The following SLC6A15 variants were observed in gnomAD, a reference collection of about 807,000 sequenced individuals.
SLC6A15 encodes solute carrier family 6 member 15.
SLC6A15 carries 33 observed loss-of-function variants against 68.5 expected under a neutral mutation model. That is an observed-to-expected ratio of 0.48 (90% confidence interval 0.37 to 0.64). The LOEUF is 0.64. SLC6A15 is among the 30% of genes least tolerant of loss of function. The pLI is 0.00. For missense variants in SLC6A15, 747 were observed against 874.3 expected (o/e 0.85, Z 1.84); for synonymous variants, 347 against 301.0 (o/e 1.15, Z -1.58).
At chr12:84,874,098 T>C (rs925324117) in intron 6 of SLC6A15, among the ~76,000 whole-genome samples, 3 of 152,222 alleles carry the variant, frequency 2.0e-5, no homozygotes, top group Non-Finnish European at 4.4e-5. Flanking sequence ...AATAATAGCG[T>C]TTAAATTGGC....
rs572165477 is a variant in SLC6A15 at position 84,884,775 on chromosome 12, T to C, written c.574+660A>G. On this transcript the variant is annotated intron_variant, in intron 4 of 11. Transcript: ENST00000266682. The stretch of plus-strand genomic sequence containing the variant: ...TGGGTTACAAATGTGAAATTTGAAC[T>C]AGATTTCAGATTCAGTATAAGAAAA... Among the ~76,000 whole-genome samples, 4 of 152,250 alleles carry C rather than the reference T, an allele frequency of 2.6e-5. No individual in the cohort carries two copies. In the South Asian group the frequency reaches 8.3e-4, roughly 32 times the overall value.
At chr12:84,869,210 A>C (rs540463171) in intron 9 of SLC6A15, among the ~76,000 whole-genome samples, 146 of 152,274 alleles carry the variant, frequency 9.6e-4, no homozygotes, top group Non-Finnish European at 1.8e-3. Context: ...CTGTAATCCT[A>C]GCACTTTGGG....
intron 5 of SLC6A15, among the ~76,000 whole-genome samples, chr12:84,878,180 C>G (rs891716255): frequency 6.6e-6 from 1 of 152,116 alleles, no homozygotes; most frequent in African/African-American, 2.4e-5. Flanking sequence ...TGCCAGCATA[C>G]TTTAGAACAC....
intron 1 of SLC6A15, among the ~76,000 whole-genome samples, chr12:84,898,559 T>G (rs949936989): frequency 6.6e-6 from 1 of 152,178 alleles, no homozygotes; most frequent in Non-Finnish European, 1.5e-5. Context: ...TCACTTATGA[T>G]TTTATGACCC....
At chr12:84,884,091 C>G in intron 4 of SLC6A15, 51 bp from the exon 5 acceptor site, 1 of 1,474,556 alleles carries the variant, frequency 6.8e-7, no homozygotes, top group Middle Eastern at 1.8e-4. Context: ...AAGAGCAATG[C>G]GACAATTTCT....
At chr12:84,875,683 TATATATATATATATATGAG>T (rs1250135950) in intron 6 of SLC6A15, among the ~76,000 whole-genome samples, 3 of 8,610 alleles carry the variant, frequency 3.5e-4, no homozygotes, top group African/African-American at 6.7e-4. Context: ...TATATATATA[TATATATATATATATATGAG>T]AATCAAAAAC....
At chr12:84,871,513 T>C (rs117334163) in intron 8 of SLC6A15, among the ~76,000 whole-genome samples, 6,448 of 152,200 alleles carry the variant, frequency 0.042, 205 homozygotes, top group Admixed American at 0.078. Context: ...CAACTTACTT[T>C]GTCTAACTAA....
Position 84,872,705 on chromosome 12 carries a change from G to T in SLC6A15, c.1199C>A (p.Ala400Glu), listed in dbSNP as rs12424429. 3 of 1,612,530 alleles carry T rather than the reference G, an allele frequency of 1.9e-6. No homozygotes were observed. The highest frequency in any genetic ancestry group is 2.7e-5 in the African/African-American group (2 of 74,996). ...PHHINLSTVTAEDYHLVYDII... is the reference protein window; with the variant it reads ...PHHINLSTVTEEDYHLVYDII... Reference sequence around the variant, plus strand: ...GTCATAAACTAAATGATAATCTTCTGCAGTAACAGTTGAAAGGTTGATATG... The same window carrying T: ...GTCATAAACTAAATGATAATCTTCTTCAGTAACAGTTGAAAGGTTGATATG... Residue 400 changes from alanine (A) to glutamate (E), a missense_variant, in exon 8 of 12, where the codon GCA (alanine) becomes GAA (glutamate). Ala to Glu is a moderately radical substitution (Grantham distance 107, BLOSUM62 -1). Transcript: ENST00000266682.
rs1249893893 is a variant in SLC6A15 at position 84,912,568 on chromosome 12, G to GGCA, written c.-237_-235dup. ...GCGCCTCTTGCTGCTTCCACGTCCG[G>GGCA]GCAGCAGCAGCAGCAGTCGCGAAAG... is the stretch of plus-strand genomic sequence containing the variant. On this transcript the variant is annotated 5_prime_UTR_variant, in exon 1 of 12. Coordinates refer to ENST00000266682, the MANE Select transcript of SLC6A15 (RefSeq NM_182767.6). 1.3e-5 allele frequency: 2 copies of GGCA among 152,386 alleles called. No homozygotes were observed. Among genetic ancestry groups the GGCA allele is most frequent in the East Asian group, 1.9e-4 (1 of 5,174 alleles). The allele number at this position is 152,386 out of a possible 1,614,324, so 9.4% of individuals were successfully genotyped here.
chr12:84,888,304 C>T (rs1237454850), intron 2 of SLC6A15, among the ~76,000 whole-genome samples: 2 of 149,822 alleles, frequency 1.3e-5, no homozygotes, highest in African/African-American at 4.9e-5. Flanking sequence ...AAAAAAGACA[C>T]TTACATGCAT....
Position 84,861,603 on chromosome 12 carries a change from C to A in SLC6A15, c.*29G>T, listed in dbSNP as rs986422438. On this transcript the variant is annotated 3_prime_UTR_variant, in exon 12 of 12. Transcript: ENST00000266682. ...CCAATGTTCATTGGTAAAAATGAAC[C>A]AAATAAAACCCACTGACTTTTCCCC... 6.4e-7 allele frequency: 1 copy of A among 1,554,256 alleles called. No individual in the cohort carries two copies. The highest frequency in any genetic ancestry group is 1.4e-5 in the African/African-American group (1 of 72,908).
chr12:84,861,485 A>G lies in SLC6A15; in HGVS notation c.*147T>C. The G allele has an allele frequency of 1.2e-6, 1 of 820,984 alleles. No individual in the cohort carries two copies. The highest frequency in any genetic ancestry group is 2.5e-5 in the East Asian group (1 of 39,722). 50.9% of individuals were successfully genotyped at this position (820,984 alleles called of 1,614,324 possible). A position where few individuals can be genotyped will look rare whatever the true frequency, so the allele number is the denominator to read the frequency against. On this transcript the variant is annotated 3_prime_UTR_variant, in exon 12 of 12. Coordinates refer to ENST00000266682, the MANE Select transcript of SLC6A15 (RefSeq NM_182767.6). ...AGAATCCAAAAGAATGCTCAAGTTGAACTGACATATACTGTTAGGATTAAA... is the reference window on the plus strand; with the variant it reads ...AGAATCCAAAAGAATGCTCAAGTTGGACTGACATATACTGTTAGGATTAAA...
intron 3 of SLC6A15, 115 bp from the exon 4 acceptor site, chr12:84,885,676 A>G: frequency 8.4e-7 from 1 of 1,193,678 alleles, no homozygotes; most frequent in Non-Finnish European, 1.2e-6. Context: ...TTTATTATTT[A>G]TTTGGGACAC....
intron 1 of SLC6A15, among the ~76,000 whole-genome samples, chr12:84,899,045 T>C (rs1410893714): frequency 6.6e-6 from 1 of 152,220 alleles, no homozygotes; most frequent in Admixed American, 6.5e-5. Context: ...AGTCAGGCTG[T>C]CAGCTGGAGC....
chr12:84,910,311 A>G (rs1379323926), intron 1 of SLC6A15, among the ~76,000 whole-genome samples: 1 of 152,086 alleles, frequency 6.6e-6, no homozygotes, highest in Non-Finnish European at 1.5e-5. Flanking sequence ...AAAAACACAA[A>G]CTGAAAGCTT....
At chr12:84,863,667 T>C in intron 10 of SLC6A15, 66 bp from the exon 11 acceptor site, 1 of 1,168,310 alleles carries the variant, frequency 8.6e-7, no homozygotes, top group Non-Finnish European at 1.2e-6. Flanking sequence ...AAAATGTGCA[T>C]TATATTAATG....
At chr12:84,910,420 G>A (rs1190108689) in intron 1 of SLC6A15, among the ~76,000 whole-genome samples, 1 of 151,964 alleles carries the variant, frequency 6.6e-6, no homozygotes, top group Non-Finnish European at 1.5e-5. Flanking sequence ...CCATAGAAAA[G>A]GCAACAACAC....
chr12:84,887,940 T>C (rs886204061), intron 2 of SLC6A15, among the ~76,000 whole-genome samples: 3 of 151,886 alleles, frequency 2.0e-5, no homozygotes, highest in Non-Finnish European at 2.9e-5. Flanking sequence ...AAAAAGATAC[T>C]TGAGGCTGGG....
intron 5 of SLC6A15, chr12:84,881,348 T>C (rs1352472761): frequency 1.0e-5 from 6 of 592,014 alleles, no homozygotes; most frequent in South Asian, 7.5e-5. Flanking sequence ...ACCTCCTCCA[T>C]AATACCCACT....
Sources: allele counts gnomAD v4.1 joint callset (sites outside exome capture counted in the v4.1 genomes callset), GRCh38; gene constraint gnomAD v4.1.1; transcripts MANE v1.5; gene names NCBI Gene and HGNC (gene_info 2026-07-23, HGNC 2026-07-21).